NALF1: variants seen among roughly 807,000 people sequenced by gnomAD.
The protein encoded by NALF1 is family with sequence similarity 155 member A.
NALF1 carries 3 observed loss-of-function variants against 48.4 expected under a neutral mutation model. That is an observed-to-expected ratio of 0.06 (90% CI 0.03 to 0.16). NALF1 has a LOEUF of 0.16. Ranked by LOEUF, NALF1 falls within the 10% of genes least tolerant of loss-of-function variation. The probability of loss-of-function intolerance (pLI) is 1.00; values close to 1 mark genes in which losing one functional copy is unlikely to be tolerated. For synonymous variants in NALF1, 262 were observed against 245.7 expected (o/e 1.07, Z -0.62); for missense variants, 526 against 571.5 (o/e 0.92, Z 0.81).
In NALF1 at chr13:107,165,969, C is replaced by G. The variant is rs920327484; in HGVS notation, c.*4528G>C. The G allele has an allele frequency of 6.6e-6, 1 of 151,166 alleles. No individual in the cohort carries two copies. Among genetic ancestry groups the G allele is most frequent in the Non-Finnish European group, 1.5e-5 (1 of 68,060 alleles). The allele number at this position is 151,166 out of a possible 1,614,324, so 9.4% of individuals were successfully genotyped here. A position where few individuals can be genotyped will look rare whatever the true frequency, so the allele number is the denominator to read the frequency against. ...TATGGTATACATGTGCTGTTATGGA[C>G]TACATAATGTTTTGGTTGAAGTTTT... On this transcript the variant is annotated 3_prime_UTR_variant, in exon 3 of 3. Transcript: ENST00000375915.
At chr13:107,662,429 A>C (rs1047226897) in intron 1 of NALF1, among the ~76,000 whole-genome samples, 5 of 152,184 alleles carry the variant, frequency 3.3e-5, no homozygotes, top group Non-Finnish European at 7.3e-5. Context: ...AAAGTATTGA[A>C]AGCATGAACA....
chr13:107,402,682 G>A (rs2138992751), intron 1 of NALF1, among the ~76,000 whole-genome samples: 1 of 152,186 alleles, frequency 6.6e-6, no homozygotes, highest in Non-Finnish European at 1.5e-5. Context: ...GAAAAATACA[G>A]GCTTTGGAGT....
At chr13:107,298,733 CAT>C (rs1424991305) in intron 1 of NALF1, among the ~76,000 whole-genome samples, 4 of 152,236 alleles carry the variant, frequency 2.6e-5, no homozygotes, top group African/African-American at 9.6e-5. Flanking sequence ...CCTGGCCACA[CAT>C]ATGTTTCTTT....
intron 1 of NALF1, among the ~76,000 whole-genome samples, chr13:107,457,585 TA>T: frequency 6.6e-6 from 1 of 152,244 alleles, no homozygotes; most frequent in African/African-American, 2.4e-5. Flanking sequence ...TTTGCTAAAC[TA>T]GTAGCTATAT....
At chr13:107,524,473 G>T (rs1876361667) in intron 1 of NALF1, among the ~76,000 whole-genome samples, 1 of 152,032 alleles carries the variant, frequency 6.6e-6, no homozygotes, top group South Asian at 2.1e-4. Flanking sequence ...ACATTTAAAG[G>T]ATGGTACGAA....
At chr13:107,509,798 A>AATT (rs1221933937) in intron 1 of NALF1, among the ~76,000 whole-genome samples, 32 of 151,914 alleles carry the variant, frequency 2.1e-4, no homozygotes, top group East Asian at 7.7e-4. Flanking sequence ...GTTTAACTAC[A>AATT]ATTATTATTA....
intron 1 of NALF1, among the ~76,000 whole-genome samples, chr13:107,421,527 C>T (rs1326667396): frequency 6.6e-6 from 1 of 151,972 alleles, no homozygotes; most frequent in Non-Finnish European, 1.5e-5. Flanking sequence ...ACATAGAAAA[C>T]CAGAAAGACA....
intron 1 of NALF1, among the ~76,000 whole-genome samples, chr13:107,556,723 T>A (rs1224928899): frequency 1.3e-5 from 2 of 152,090 alleles, no homozygotes; most frequent in Admixed American, 6.6e-5. Context: ...TGACCTCAGG[T>A]GATCCACCCG....
intron 1 of NALF1, among the ~76,000 whole-genome samples, chr13:107,823,321 A>T (rs1879411258): frequency 6.6e-6 from 1 of 152,092 alleles, no homozygotes; most frequent in Non-Finnish European, 1.5e-5. Flanking sequence ...CCTTGCTCAC[A>T]CTACCATCCT....
At chr13:107,589,769 T>C (rs1176503885) in intron 1 of NALF1, among the ~76,000 whole-genome samples, 2 of 152,016 alleles carry the variant, frequency 1.3e-5, no homozygotes, top group Non-Finnish European at 2.9e-5. Flanking sequence ...TCTAGTAAAC[T>C]TGTATCTTCT....
At chr13:107,253,048 A>T (rs1880735228) in intron 1 of NALF1, among the ~76,000 whole-genome samples, 2 of 152,230 alleles carry the variant, frequency 1.3e-5, no homozygotes, top group South Asian at 4.1e-4. Context: ...TTATGAAAAG[A>T]AGTATTCTGT....
chr13:107,309,278 C>G (rs1881999205), intron 1 of NALF1, among the ~76,000 whole-genome samples: 1 of 152,250 alleles, frequency 6.6e-6, no homozygotes, highest in Non-Finnish European at 1.5e-5. Context: ...AAACAAAAGA[C>G]TTGGACAAAG....
At chr13:107,739,119 C>T (rs191122851) in intron 1 of NALF1, among the ~76,000 whole-genome samples, 10 of 151,978 alleles carry the variant, frequency 6.6e-5, no homozygotes, top group African/African-American at 1.9e-4. Context: ...TGAGAACACA[C>T]GGACACAGGG....
At chr13:107,411,318 T>TA (rs61225198) in intron 1 of NALF1, among the ~76,000 whole-genome samples, 32,091 of 138,656 alleles carry the variant, frequency 0.23, 4,076 homozygotes, top group Admixed American at 0.3. Flanking sequence ...TTTTTTTTTT[T>TA]AATCAAGACA....
At chr13:107,398,476 G>A (rs994248150) in intron 1 of NALF1, among the ~76,000 whole-genome samples, 5 of 151,612 alleles carry the variant, frequency 3.3e-5, no homozygotes, top group African/African-American at 1.2e-4. Context: ...GGATACTTCT[G>A]GAAACTGAAT....
At chr13:107,236,762 G>A (rs1211666320) in intron 1 of NALF1, among the ~76,000 whole-genome samples, 1 of 150,696 alleles carries the variant, frequency 6.6e-6, no homozygotes, top group Non-Finnish European at 1.5e-5. Context: ...CTCCATATCT[G>A]TGAATTCTGC....
At chr13:107,531,017 CATATAT>C (rs3072957) in intron 1 of NALF1, among the ~76,000 whole-genome samples, 38 of 150,620 alleles carry the variant, frequency 2.5e-4, no homozygotes, top group Non-Finnish European at 4.4e-4. Context: ...TTGTCATTCA[CATATAT>C]ATATATATAT....
chr13:107,249,237 A>C (rs1880645305), intron 1 of NALF1, among the ~76,000 whole-genome samples: 1 of 152,130 alleles, frequency 6.6e-6, no homozygotes, highest in Non-Finnish European at 1.5e-5. Flanking sequence ...TGATAGGGAG[A>C]TAATTTTGCA....
intron 1 of NALF1, among the ~76,000 whole-genome samples, chr13:107,613,958 A>C (rs1195096352): frequency 6.6e-6 from 1 of 152,154 alleles, no homozygotes; most frequent in East Asian, 1.9e-4. Context: ...AGTAGACACT[A>C]TTGATATTTC....
Sources: gnomAD v4.1 joint callset for allele counts (sites outside exome capture counted in the v4.1 genomes callset) on GRCh38, gnomAD v4.1.1 for gene constraint, MANE v1.5 for transcripts, NCBI Gene and HGNC (gene_info 2026-07-23, HGNC 2026-07-21) for gene names.